Variants in PCDH19 observed in about 807,000 individuals in gnomAD.
The protein encoded by PCDH19 is protocadherin 19.
PCDH19 carries 6 observed loss-of-function variants against 46.2 expected under a neutral mutation model. The ratio of observed to expected loss-of-function variants is 0.13; its 90% CI spans 0.07 to 0.26. The LOEUF (loss-of-function observed/expected upper bound fraction) is 0.26, where lower values mean the gene tolerates loss of function less well. Among genes scored for constraint, PCDH19 ranks in the 10% least tolerant of loss-of-function variants. The pLI is 1.00. For missense variants in PCDH19, 740 were observed against 972.3 expected, an observed-to-expected ratio of 0.76 and a Z score of 3.18; for synonymous variants, 481 against 415.7, an observed-to-expected ratio of 1.16 and a Z score of -1.91.
intron 5 of PCDH19, among the ~76,000 whole-genome samples, chrX:100,332,230 A>G (rs1925892118): frequency 8.9e-6 from 1 of 112,397 alleles, no homozygotes; most frequent in African/African-American, 3.2e-5. Flanking sequence ...AATTGCTTTT[A>G]AAACTATGGG....
chrX:100,325,654 C>T (rs1046547980), intron 5 of PCDH19, among the ~76,000 whole-genome samples: 1 of 112,285 alleles, frequency 8.9e-6, no homozygotes, highest in Non-Finnish European at 1.9e-5. Context: ...AGGCGTGAGC[C>T]ACCGCGCCCG....
intron 3 of PCDH19, among the ~76,000 whole-genome samples, chrX:100,387,932 C>T (rs1434385531): frequency 9.0e-6 from 1 of 111,234 alleles, no homozygotes; most frequent in Non-Finnish European, 1.9e-5. Context: ...TTTTGGTCTG[C>T]CCCTCCTCGG....
chrX:100,384,665 T>C (rs183678465), intron 3 of PCDH19, among the ~76,000 whole-genome samples: 1 of 111,635 alleles, frequency 9.0e-6, no homozygotes, highest in East Asian at 2.8e-4. Flanking sequence ...AACTTTCCAC[T>C]GACAGACATA....
intron 3 of PCDH19, among the ~76,000 whole-genome samples, chrX:100,363,712 ATATATAATATATTTATTT>A (rs1483710233): frequency 2.2e-4 from 22 of 99,785 alleles, no homozygotes; most frequent in Non-Finnish European, 6.0e-5. Flanking sequence ...TATTTATTTT[ATATATAATATATTTATTT>A]TATATATATA....
chrX:100,344,801 C>T (rs1034166752), intron 4 of PCDH19, among the ~76,000 whole-genome samples: 6 of 102,762 alleles, frequency 5.8e-5, no homozygotes, highest in African/African-American at 2.1e-4. Flanking sequence ...TTGTGGCCGT[C>T]CTGTGCATTA....
intron 3 of PCDH19, among the ~76,000 whole-genome samples, chrX:100,353,454 A>T (rs1344340783): frequency 1.8e-5 from 2 of 111,998 alleles, no homozygotes; most frequent in African/African-American, 6.5e-5. Flanking sequence ...CCTGACCTCC[A>T]GGCATGGTGC....
chrX:100,308,265 C>G (rs1277945979), intron 5 of PCDH19, among the ~76,000 whole-genome samples: 1 of 110,911 alleles, frequency 9.0e-6, no homozygotes, highest in Non-Finnish European at 1.9e-5. Context: ...TTCAACAAAG[C>G]AAACAAAAAC....
At chrX:100,371,128 C>T (rs1476676746) in intron 3 of PCDH19, among the ~76,000 whole-genome samples, 1 of 110,779 alleles carries the variant, frequency 9.0e-6, no homozygotes, top group African/African-American at 3.3e-5. Flanking sequence ...TTTGAAATCA[C>T]AAATTCACAG....
intron 3 of PCDH19, among the ~76,000 whole-genome samples, chrX:100,370,649 C>T (rs886704308): frequency 8.9e-6 from 1 of 112,145 alleles, no homozygotes; most frequent in Admixed American, 9.5e-5. Context: ...CCATAATTGG[C>T]TTGTCTTGCT....
chrX:100,400,893 C>T (rs1422268587), intron 3 of PCDH19, among the ~76,000 whole-genome samples: 1 of 111,669 alleles, frequency 9.0e-6, no homozygotes, highest in African/African-American at 3.3e-5. Flanking sequence ...GGCTGAATTA[C>T]TTTTAAGGCA....
chrX:100,322,865 A>ATATTTT, intron 5 of PCDH19, among the ~76,000 whole-genome samples: 15 of 54,408 alleles, frequency 2.8e-4, no homozygotes, highest in Non-Finnish European at 4.0e-4. Flanking sequence ...ATATATATAT[A>ATATTTT]TTTTTGCAGC....
chrX:100,353,096 A>C (rs1926616209), intron 3 of PCDH19, among the ~76,000 whole-genome samples: 1 of 112,010 alleles, frequency 8.9e-6, no homozygotes, highest in Non-Finnish European at 1.9e-5. Flanking sequence ...AATGGTGGGA[A>C]TCCTGATCCC....
intron 1 of PCDH19, among the ~76,000 whole-genome samples, chrX:100,405,098 T>G (rs751329623): frequency 7.1e-5 from 8 of 112,385 alleles, no homozygotes; most frequent in Admixed American, 3.8e-4. Flanking sequence ...ACGCAGAGAA[T>G]AGTAAAAGGG....
At chrX:100,374,139 A>G (rs955402135) in intron 3 of PCDH19, among the ~76,000 whole-genome samples, 12 of 112,838 alleles carry the variant, frequency 1.1e-4, no homozygotes, top group Admixed American at 6.5e-4. Context: ...TGCTGAGGCA[A>G]TATCTTGGGA....
chrX:100,400,569 T>TAG (rs1364416555), intron 3 of PCDH19, among the ~76,000 whole-genome samples: 1 of 112,933 alleles, frequency 8.9e-6, no homozygotes, highest in Non-Finnish European at 1.9e-5. Flanking sequence ...GTAAGTAGTC[T>TAG]ACGGCCTAGG....
intron 5 of PCDH19, among the ~76,000 whole-genome samples, chrX:100,340,455 C>T (rs1352505439): frequency 8.9e-6 from 1 of 112,380 alleles, no homozygotes. Flanking sequence ...TTCTTTGAAA[C>T]ACACAACTAG....
intron 4 of PCDH19, among the ~76,000 whole-genome samples, chrX:100,346,478 T>C (rs1280686934): frequency 1.8e-5 from 2 of 111,947 alleles, no homozygotes; most frequent in Admixed American, 9.5e-5. Flanking sequence ...TCTCTAGGGA[T>C]GGAGCTAGCA....
chrX:100,322,050 A>G (rs1280924203), intron 5 of PCDH19, among the ~76,000 whole-genome samples: 3 of 109,453 alleles, frequency 2.7e-5, no homozygotes, highest in South Asian at 4.0e-4. Flanking sequence ...CGGCCTCCCA[A>G]ATTGCTGGGA....
At position 100,384,164 on chromosome X, in the gene PCDH19, C is replaced by T. The variant is rs1199778672; in HGVS notation, c.2616+18360G>A. On this transcript the variant is annotated intron_variant, in intron 3 of 5. Transcript: ENST00000373034. Reference sequence around the variant, plus strand: ...TCTTTGTTGGTAGAAAGTTGAATAGCTTAAAAGCAACAGAAGAAATCGCAG... The same window carrying T: ...TCTTTGTTGGTAGAAAGTTGAATAGTTTAAAAGCAACAGAAGAAATCGCAG... Among the ~76,000 whole-genome samples, 6 of 111,572 alleles carry T rather than the reference C, an allele frequency of 5.4e-5. No homozygotes were observed. In the East Asian group the frequency reaches 1.4e-3, roughly 26 times the overall value.
Sources: allele counts gnomAD v4.1 joint callset (sites outside exome capture counted in the v4.1 genomes callset), GRCh38; gene constraint gnomAD v4.1.1; transcripts MANE v1.5; gene names NCBI Gene and HGNC (gene_info 2026-07-23, HGNC 2026-07-21).